TXNL4A: variants seen among roughly 807,000 people sequenced by gnomAD.
The protein encoded by TXNL4A is thioredoxin like 4A, also known as thioredoxin-like protein 4A.
Under a neutral mutation model 14.6 loss-of-function variants are expected in TXNL4A, and 17 were observed. The observed-to-expected ratio is 1.16, with a 90% CI of 0.80 to 1.74. The LOEUF is 1.74. TXNL4A is among the 40% of genes most tolerant of loss of function. The pLI is 0.00. For synonymous variants in TXNL4A, 83 were observed against 70.6 expected, an observed-to-expected ratio of 1.18 and a Z score of -0.88; for missense variants, 74 against 195.2, an observed-to-expected ratio of 0.38 and a Z score of 3.70.
chr18:79,989,928 G>T (rs1487976827), upstream of TXNL4A, among the ~76,000 whole-genome samples: 1 of 152,204 alleles, frequency 6.6e-6, no homozygotes, highest in African/African-American at 2.4e-5. Flanking sequence ...CCCAGGGGGT[G>T]GAGGTTGCAG....
chr18:80,024,069 G>A (rs552896082), intron 1 of TXNL4A, among the ~76,000 whole-genome samples: 12 of 152,192 alleles, frequency 7.9e-5, no homozygotes, highest in Non-Finnish European at 1.3e-4. Context: ...GTACTGGCTC[G>A]GGCACCTTGT....
intron 1 of TXNL4A, among the ~76,000 whole-genome samples, chr18:80,005,669 C>G (rs2051725193): frequency 1.3e-5 from 2 of 152,192 alleles, no homozygotes; most frequent in Admixed American, 1.3e-4. Flanking sequence ...AATCCCAACA[C>G]TTTGGGAGGC....
intron 1 of TXNL4A, among the ~76,000 whole-genome samples, chr18:80,024,196 A>AC (rs1191556736): frequency 2.0e-5 from 3 of 151,762 alleles, no homozygotes; most frequent in Non-Finnish European, 4.4e-5. Context: ...TTAAAAAAAA[A>AC]AAAACTCCCT....
At chr18:79,981,567 G>A (rs1284789235) in intron 1 of TXNL4A, among the ~76,000 whole-genome samples, 1 of 152,220 alleles carries the variant, frequency 6.6e-6, no homozygotes, top group African/African-American at 2.4e-5. Flanking sequence ...AGCTACTTGG[G>A]AGGCTGAGGC....
intron 1 of TXNL4A, among the ~76,000 whole-genome samples, chr18:80,028,988 A>T (rs2051903412): frequency 1.3e-5 from 2 of 152,226 alleles, no homozygotes; most frequent in Admixed American, 6.5e-5. Context: ...CACCCGAGCC[A>T]CCAGCCCCAA....
At position 79,982,485 on chromosome 18, in the gene TXNL4A, G is replaced by A. The variant is rs1321922031; in HGVS notation, c.154-4784C>T. ...ACATCCAGCAGTGATCCCAGCCAGGGTGGCAGGTGCCAGGCTTGGGAGTGA... is the reference window on the plus strand; with the variant it reads ...ACATCCAGCAGTGATCCCAGCCAGGATGGCAGGTGCCAGGCTTGGGAGTGA... On this transcript the variant is annotated intron_variant, in intron 1 of 2. Transcript: ENST00000269601. The surrounding 1 kb of genome is among the most constrained non-coding windows in gnomAD (Gnocchi z 4.0). Among the ~76,000 whole-genome samples, 1 of 152,176 alleles carries A rather than the reference G, an allele frequency of 6.6e-6. No individual in the cohort carries two copies. The highest frequency in any genetic ancestry group is 2.4e-5 in the African/African-American group (1 of 41,438).
chr18:79,989,672 A>G (rs1046380138), upstream of TXNL4A, among the ~76,000 whole-genome samples: 1 of 152,140 alleles, frequency 6.6e-6, no homozygotes, highest in Admixed American at 6.5e-5. Flanking sequence ...CTATCTAGCT[A>G]TCCTGGTGGT....
intron 1 of TXNL4A, among the ~76,000 whole-genome samples, chr18:80,014,227 A>C (rs1223690508): frequency 6.6e-6 from 1 of 152,124 alleles, no homozygotes; most frequent in East Asian, 1.9e-4. Flanking sequence ...TGCCTTCCCA[A>C]CAGTCCCCCA....
At chr18:80,015,523 C>T (rs924630681) in intron 1 of TXNL4A, among the ~76,000 whole-genome samples, 3 of 151,744 alleles carry the variant, frequency 2.0e-5, no homozygotes, top group Non-Finnish European at 4.4e-5. Flanking sequence ...ACCCCCACCC[C>T]ACAACAGTCC....
At chr18:80,026,362 G>A (rs543671860) in intron 1 of TXNL4A, among the ~76,000 whole-genome samples, 134 of 152,084 alleles carry the variant, frequency 8.8e-4, no homozygotes, top group Non-Finnish European at 1.6e-3. Flanking sequence ...GTAAAAGTCC[G>A]GGACCCCTTA....
At chr18:80,019,911 G>A (rs1384117254) in intron 1 of TXNL4A, among the ~76,000 whole-genome samples, 1 of 152,060 alleles carries the variant, frequency 6.6e-6, no homozygotes. Context: ...ATTTTTAATG[G>A]TTAAAGGTAA....
chr18:79,994,904 A>C (rs1332706753), intron 1 of TXNL4A: 1 of 152,180 alleles, frequency 6.6e-6, no homozygotes, highest in Admixed American at 6.5e-5. Flanking sequence ...CACTGAACCG[A>C]AGGCAGTAGG....
At chr18:79,974,786 T>C (rs914190061) in intron 2 of TXNL4A, among the ~76,000 whole-genome samples, 1 of 152,164 alleles carries the variant, frequency 6.6e-6, no homozygotes, top group Non-Finnish European at 1.5e-5. Context: ...CCTGATTATT[T>C]TTCTTAGAGA....
At chr18:79,983,584 G>A (rs976119411) in intron 1 of TXNL4A, among the ~76,000 whole-genome samples, 2 of 152,118 alleles carry the variant, frequency 1.3e-5, no homozygotes, top group African/African-American at 4.8e-5. Flanking sequence ...AGTGTTCTGG[G>A]CAGTTGATTA....
chr18:79,983,379 A>G (rs755246947), intron 1 of TXNL4A, among the ~76,000 whole-genome samples: 97 of 152,164 alleles, frequency 6.4e-4, no homozygotes, highest in Non-Finnish European at 1.0e-3. Flanking sequence ...CCTCATAAGC[A>G]TGCTTTTTCT....
At position 80,011,110 on chromosome 18, in the gene TXNL4A, C is replaced by T. The variant is rs1599747377; in HGVS notation, c.-61+22741G>A. ...TGCATTACCATTTGGTGCTTGTTAG[C>T]CCCTCGGGAAAGGAAACAATTTGGG... On this transcript the variant is annotated intron_variant, in intron 1 of 2. Coordinates refer to the TXNL4A transcript ENST00000585474. The surrounding 1 kb of genome is among the most constrained non-coding windows in gnomAD (Gnocchi z 4.1). Among the ~76,000 whole-genome samples the T allele has an allele frequency of 6.6e-6, 1 of 152,194 alleles. No individual in the cohort carries two copies. Among genetic ancestry groups the T allele is most frequent in the African/African-American group, 2.4e-5 (1 of 41,526 alleles).
chr18:79,973,877 A>C (rs1397467170), intron 2 of TXNL4A, 21 bp from the exon 3 acceptor site: 4 of 1,611,266 alleles, frequency 2.5e-6, no homozygotes, highest in Non-Finnish European at 2.5e-6. Flanking sequence ...AAACAAGGGC[A>C]TCCATTCTCA....
At chr18:79,989,004 C>G (rs547026215), upstream of TXNL4A, among the ~76,000 whole-genome samples, 8 of 152,218 alleles carry the variant, frequency 5.3e-5, no homozygotes, top group African/African-American at 1.7e-4. Context: ...TGTTGCCATA[C>G]CCAACCACAG....
At chr18:79,986,197 G>A (rs553863008) in intron 1 of TXNL4A, among the ~76,000 whole-genome samples, 31 of 152,090 alleles carry the variant, frequency 2.0e-4, no homozygotes, top group South Asian at 4.2e-4. Flanking sequence ...GTGCCACCAC[G>A]CCCGGCATTT....
Sources: gnomAD v4.1 joint callset for allele counts (sites outside exome capture counted in the v4.1 genomes callset) on GRCh38, gnomAD v4.1.1 for gene constraint, Gnocchi (gnomAD v3.1) non-coding constraint, MANE v1.5 for transcripts, NCBI Gene and HGNC (gene_info 2026-07-23, HGNC 2026-07-21) for gene names.